Variants in JADE1 observed in about 807,000 individuals in gnomAD.
The protein encoded by JADE1 is jade family PHD finger 1, also known as protein Jade-1.
In JADE1, 14 loss-of-function variants were observed where a neutral mutation model predicts 81.8. The ratio of observed to expected loss-of-function variants is 0.17; its 90% CI spans 0.11 to 0.27. JADE1 has a LOEUF of 0.27. Ranked by LOEUF, JADE1 falls within the 10% of genes least tolerant of loss-of-function variation. The pLI, the probability that JADE1 is intolerant of heterozygous loss-of-function variation, is 1.00. For missense variants in JADE1, 690 were observed against 1,047.9 expected (o/e 0.66, Z 4.71); for synonymous variants, 353 against 391.9 (o/e 0.90, Z 1.17).
At chr4:128,820,127 T>G (rs1233384686) in intron 1 of JADE1, among the ~76,000 whole-genome samples, 2 of 151,834 alleles carry the variant, frequency 1.3e-5, no homozygotes, top group African/African-American at 4.8e-5. Context: ...TCTTTTTTTT[T>G]TTGAGATGGA....
chr4:128,861,982 G>A lies in JADE1; in HGVS notation c.1260G>A (p.Leu420=). The change falls in exon 9 of 11, where the codon CTG becomes CTA. Residue 420 remains leucine, a synonymous_variant. Transcript: ENST00000226319. The part of the protein sequence containing the change: ...AHRVSVRKQK[L]QQLEDEFYTF... ...GGGTGAGTGTCCGTAAGCAGAAGCT[G>A]CAGCAGTTGGAGGATGAGTTCTACA... 1.2e-6 allele frequency: 2 copies of A among 1,613,786 alleles called. No homozygotes were observed. The highest frequency in any genetic ancestry group is 1.1e-5 in the South Asian group (1 of 91,058).
chr4:128,850,011 C>T (rs765720278), intron 5 of JADE1, among the ~76,000 whole-genome samples: 3 of 151,958 alleles, frequency 2.0e-5, no homozygotes, highest in Non-Finnish European at 4.4e-5. Context: ...ATCACAAGAT[C>T]GGCCGGGCTT....
At chr4:128,831,679 C>T (rs1222178562) in intron 1 of JADE1, 54 bp from the exon 2 acceptor site, 34 of 1,503,778 alleles carry the variant, frequency 2.3e-5, no homozygotes, top group Non-Finnish European at 2.9e-5. Context: ...TGAAGCACAA[C>T]TTGATGATTG....
intron 1 of JADE1, among the ~76,000 whole-genome samples, chr4:128,820,974 A>G (rs1727512434): frequency 6.6e-6 from 1 of 152,210 alleles, no homozygotes; most frequent in South Asian, 2.1e-4. Context: ...GGATGGAATA[A>G]TGGGTTGTAG....
At chr4:128,855,884 A>G (rs539906814) in intron 7 of JADE1, 87 bp downstream of exon 7, 17 of 1,203,836 alleles carry the variant, frequency 1.4e-5, no homozygotes, top group Middle Eastern at 3.0e-4. Context: ...AGTGAGCTGG[A>G]TCATGGCTCA....
chr4:128,811,140 GGA>G (rs1483838355), intron 1 of JADE1: 4 of 152,338 alleles, frequency 2.6e-5, no homozygotes, highest in African/African-American at 9.6e-5. Context: ...TGCAAATGCG[GGA>G]GAGGGATGGA....
intron 1 of JADE1, among the ~76,000 whole-genome samples, chr4:128,821,489 T>G (rs942804069): frequency 1.6e-5 from 2 of 126,024 alleles, no homozygotes; most frequent in Non-Finnish European, 3.3e-5. Context: ...TGAAATGGCT[T>G]CTTCTTTTTT....
At chr4:128,850,777 AAG>A (rs1491072119) in intron 5 of JADE1, among the ~76,000 whole-genome samples, 6 of 152,218 alleles carry the variant, frequency 3.9e-5, no homozygotes, top group Non-Finnish European at 8.8e-5. Flanking sequence ...ACTCAGCCCA[AAG>A]ACTCTTCGCA....
rs1398887788 is a variant in JADE1, at chr4:128,809,774, C to G, written c.-130C>G. 6.6e-6 allele frequency: 1 copy of G among 152,174 alleles called. No individual in the cohort carries two copies. Among genetic ancestry groups the G allele is most frequent in the Non-Finnish European group, 1.5e-5 (1 of 68,108 alleles). The allele number at this position is 152,174 out of a possible 1,614,324, so 9.4% of individuals were successfully genotyped here. A position where few individuals can be genotyped will look rare whatever the true frequency, so the allele number is the denominator to read the frequency against. ...CCCGGTGTGTGCGCGCCGGCGAGAGCAGGGGCCCGCCCGGCTCCCCGCCCG... is the reference window on the plus strand; with the variant it reads ...CCCGGTGTGTGCGCGCCGGCGAGAGGAGGGGCCCGCCCGGCTCCCCGCCCG... On this transcript the variant is annotated 5_prime_UTR_variant, in exon 1 of 11. Coordinates refer to ENST00000226319, the MANE Select transcript of JADE1 (RefSeq NM_199320.4).
At chr4:128,838,709 AGT>A (rs1303268402) in intron 2 of JADE1, among the ~76,000 whole-genome samples, 1 of 152,150 alleles carries the variant, frequency 6.6e-6, no homozygotes. Context: ...TTTTCCAGAA[AGT>A]GTTTATAAAT....
intron 8 of JADE1, among the ~76,000 whole-genome samples, chr4:128,857,847 T>C (rs116033203): frequency 0.022 from 3,407 of 152,282 alleles, 110 homozygotes; most frequent in African/African-American, 0.074. Flanking sequence ...CTGCAGTCAC[T>C]GAGTGTAGCT....
At chr4:128,814,491 G>C (rs1174715441) in intron 1 of JADE1, among the ~76,000 whole-genome samples, 1 of 151,728 alleles carries the variant, frequency 6.6e-6, no homozygotes, top group Middle Eastern at 3.5e-3. Flanking sequence ...TTACTTTTCA[G>C]ATAATTTTCT....
intron 9 of JADE1, 75 bp from the exon 10 acceptor site, chr4:128,867,781 T>C: frequency 1.1e-6 from 1 of 880,128 alleles, no homozygotes; most frequent in East Asian, 2.6e-5. Flanking sequence ...TTCTCTTAGG[T>C]AAAGAAATTT....
At chr4:128,829,011 AGTG>A (rs1728307009) in intron 1 of JADE1, among the ~76,000 whole-genome samples, 1 of 151,992 alleles carries the variant, frequency 6.6e-6, no homozygotes. Flanking sequence ...GTTAGGAGTG[AGTG>A]GTCTTCTGCC....
Position 128,859,821 on chromosome 4 carries a change from A to C in JADE1, c.982-1883A>C, listed in dbSNP as rs563428987. Among the ~76,000 whole-genome samples, 17 of 152,342 alleles carry C rather than the reference A, an allele frequency of 1.1e-4. No individual in the cohort carries two copies. In the South Asian group the frequency reaches 3.3e-3, roughly 30 times the overall value. ...TTGCCATTGACCTCTTTTTCCCAGA[A>C]CATTAATCTAAAGAAGAGGCCAAAG... On this transcript the variant is annotated intron_variant, in intron 8 of 10. Coordinates refer to ENST00000226319, the MANE Select transcript of JADE1 (RefSeq NM_199320.4).
chr4:128,871,516 C>G lies in JADE1; in HGVS notation c.1783C>G (p.His595Asp). Residue 595 changes from histidine (H) to aspartate (D), a missense_variant, in exon 11 of 11, where the codon CAT becomes GAT. By Grantham distance (81) the His-to-Asp change is moderately conservative. Around this residue, in one of 8 missense-constraint regions of JADE1, gnomAD observed 86 missense variants for 95.4 expected, o/e 0.90. Coordinates refer to ENST00000226319, the MANE Select transcript of JADE1 (RefSeq NM_199320.4). The surrounding 1 kb of genome is among the most constrained non-coding windows in gnomAD (Gnocchi z 4.1). ...TSLVHSLKKP[H>D]KRDPLQNSPG... ...CTTGGTTCATTCGCTGAAAAAGCCC[C>G]ATAAGCGAGATCCTTTGCAGAATAG... is the stretch of plus-strand genomic sequence containing the variant. The G allele has an allele frequency of 6.2e-7, 1 of 1,614,150 alleles. No homozygotes were observed. Among genetic ancestry groups the G allele is most frequent in the Non-Finnish European group, 8.5e-7 (1 of 1,180,034 alleles).
rs1021711355 is a variant in JADE1, at chr4:128,874,538, C to T, written c.*2276C>T. 3 of 151,824 alleles carry T rather than the reference C, an allele frequency of 2.0e-5. No homozygotes were observed. Among genetic ancestry groups the T allele is most frequent in the African/African-American group, 4.9e-5 (2 of 41,140 alleles). The allele number at this position is 151,824 out of a possible 1,614,324, so 9.4% of individuals were successfully genotyped here. A position where few individuals can be genotyped will look rare whatever the true frequency, so the allele number is the denominator to read the frequency against. On this transcript the variant is annotated 3_prime_UTR_variant, in exon 11 of 11. Transcript: ENST00000226319. ...AAAACCCACACAAAAACAAAACACA[C>T]AAAAATAAAAAGCCCACACTTTTTA... is the stretch of plus-strand genomic sequence containing the variant.
chr4:128,852,431 T>C lies in JADE1; in HGVS notation c.696+163T>C, dbSNP rs140250682. The stretch of plus-strand genomic sequence containing the variant: ...ACTTTATTTTTCCCTAGTAGGTTCT[T>C]ACAGTGATTGAAATATATCCTCTGC... On this transcript the variant is annotated intron_variant, in intron 6 of 10. Coordinates refer to ENST00000226319, the MANE Select transcript of JADE1 (RefSeq NM_199320.4). Among the ~76,000 whole-genome samples, 673 of 152,364 alleles carry C rather than the reference T, an allele frequency of 4.4e-3. 5 individuals are homozygous for C. Among genetic ancestry groups the C allele is most frequent in the African/African-American group, 0.013 (529 of 41,588 alleles).
chr4:128,858,249 G>A (rs150904571), intron 8 of JADE1, among the ~76,000 whole-genome samples: 553 of 152,274 alleles, frequency 3.6e-3, no homozygotes, highest in Non-Finnish European at 6.0e-3. Context: ...TTTTCATGTG[G>A]TCTAAGACCC....
Sources: allele counts gnomAD v4.1 joint callset (sites outside exome capture counted in the v4.1 genomes callset), GRCh38; gene constraint gnomAD v4.1.1; regional missense constraint gnomAD v4.1.1; non-coding constraint Gnocchi (gnomAD v3.1); transcripts MANE v1.5; gene names NCBI Gene and HGNC (gene_info 2026-07-23, HGNC 2026-07-21).